LOC128706666: variants seen among roughly 807,000 people sequenced by gnomAD.
chr20:10,430,580 C>A, the LOC128706666 span, among the ~76,000 whole-genome samples: 1 of 152,216 alleles, frequency 6.6e-6, no homozygotes, highest in Non-Finnish European at 1.5e-5. Context: ...AGGCCCACTT[C>A]TCTGGGCAGT....
chr20:10,416,902 C>T, the LOC128706666 span, among the ~76,000 whole-genome samples: 4 of 152,100 alleles, frequency 2.6e-5, no homozygotes, highest in Admixed American at 2.6e-4. Flanking sequence ...TTTTACACTA[C>T]AACAGAAAGC....
the LOC128706666 span, among the ~76,000 whole-genome samples, chr20:10,417,671 TA>T: frequency 0.8 from 120,507 of 150,456 alleles, 48,577 homozygotes; most frequent in African/African-American, 0.88. Flanking sequence ...GCCTTCTCTG[TA>T]AAAAAAAAAA....
the LOC128706666 span, among the ~76,000 whole-genome samples, chr20:10,414,544 C>G: frequency 6.6e-6 from 1 of 152,084 alleles, no homozygotes; most frequent in Non-Finnish European, 1.5e-5. Context: ...GGATTACAAG[C>G]GTGAGCCACT....
At chr20:10,419,335 A>C in the LOC128706666 span, among the ~76,000 whole-genome samples, 1 of 152,170 alleles carries the variant, frequency 6.6e-6, no homozygotes, top group Admixed American at 6.5e-5. Context: ...AGATTTTATA[A>C]ATACAATATA....
chr20:10,431,414 G>C, the LOC128706666 span, among the ~76,000 whole-genome samples: 3 of 151,988 alleles, frequency 2.0e-5, no homozygotes, highest in South Asian at 2.1e-4. Flanking sequence ...CTAGCCTCAG[G>C]GGGGAACTAC....
At chr20:10,413,929 T>A in the LOC128706666 span, 3 of 409,246 alleles carry the variant, frequency 7.3e-6, no homozygotes, top group African/African-American at 4.1e-5. Flanking sequence ...GCTGCTTCTT[T>A]ACCTAATAAA....
At chr20:10,416,262 A>G in the LOC128706666 span, among the ~76,000 whole-genome samples, 1 of 152,222 alleles carries the variant, frequency 6.6e-6, no homozygotes, top group Non-Finnish European at 1.5e-5. Context: ...AAGAAAATAC[A>G]AACAGGTGAA....
At chr20:10,422,933 G>A in the LOC128706666 span, among the ~76,000 whole-genome samples, 1 of 151,882 alleles carries the variant, frequency 6.6e-6, no homozygotes, top group African/African-American at 2.4e-5. Flanking sequence ...GGATGGTCTC[G>A]ATCTCCTGAC....
chr20:10,415,415 T>C, the LOC128706666 span, among the ~76,000 whole-genome samples: 4 of 152,232 alleles, frequency 2.6e-5, no homozygotes, highest in Non-Finnish European at 5.9e-5. Context: ...AATGTTATTT[T>C]GGTTACCATT....
At chr20:10,429,048 ACAAATTCCCTAAGG>A in the LOC128706666 span, among the ~76,000 whole-genome samples, 3 of 152,210 alleles carry the variant, frequency 2.0e-5, no homozygotes, top group Non-Finnish European at 2.9e-5. Flanking sequence ...AGAGTCAAAA[ACAAATTCCCTAAGG>A]CAACTGCCCT....
chr20:10,428,854 T>C, the LOC128706666 span, among the ~76,000 whole-genome samples: 1 of 151,954 alleles, frequency 6.6e-6, no homozygotes. Context: ...AATAAATAAA[T>C]AAATAAATAA....
the LOC128706666 span, among the ~76,000 whole-genome samples, chr20:10,420,206 A>C: frequency 3.0e-4 from 45 of 152,280 alleles, no homozygotes; most frequent in Middle Eastern, 3.4e-3. Context: ...GAAGAAAATA[A>C]TCTTGTATAA....
chr20:10,431,465 C>A, the LOC128706666 span, among the ~76,000 whole-genome samples: 1 of 151,976 alleles, frequency 6.6e-6, no homozygotes, highest in African/African-American at 2.4e-5. Flanking sequence ...AAGGAGAATA[C>A]AGGTTTGAGA....
At chr20:10,417,416 G>T in the LOC128706666 span, among the ~76,000 whole-genome samples, 1 of 152,120 alleles carries the variant, frequency 6.6e-6, no homozygotes, top group Non-Finnish European at 1.5e-5. Flanking sequence ...TTTGAGACCA[G>T]CCTGGGCAAC....
At chr20:10,421,209 T>C in the LOC128706666 span, among the ~76,000 whole-genome samples, 12 of 152,090 alleles carry the variant, frequency 7.9e-5, no homozygotes, top group Admixed American at 7.9e-4. Context: ...GCAGGCAGAT[T>C]GCCTGAGGTC....
the LOC128706666 span, among the ~76,000 whole-genome samples, chr20:10,420,349 T>A: frequency 1.3e-5 from 2 of 152,318 alleles, no homozygotes; most frequent in East Asian, 3.9e-4. Context: ...GTGTCAAATG[T>A]CTCTGCACAA....
the LOC128706666 span, among the ~76,000 whole-genome samples, chr20:10,429,248 G>C: frequency 0.024 from 3,612 of 152,160 alleles, 66 homozygotes; most frequent in Non-Finnish European, 0.041. Flanking sequence ...TCTCCCTGTA[G>C]CCTTTTGATG....
At chr20:10,429,878 G>A in the LOC128706666 span, among the ~76,000 whole-genome samples, 17 of 152,248 alleles carry the variant, frequency 1.1e-4, no homozygotes, top group East Asian at 3.1e-3. Flanking sequence ...TGCCCCTCCT[G>A]ACCTACTGAG....
At chr20:10,426,727 G>A in the LOC128706666 span, among the ~76,000 whole-genome samples, 1 of 152,146 alleles carries the variant, frequency 6.6e-6, no homozygotes, top group Non-Finnish European at 1.5e-5. Flanking sequence ...TTCATGTCAG[G>A]TATATAAAAG....
Sources: gnomAD v4.1 joint callset for allele counts (sites outside exome capture counted in the v4.1 genomes callset) on GRCh38, gnomAD v4.1.1 for gene constraint, MANE v1.5 for transcripts.